C1orf21: variants seen among roughly 807,000 people sequenced by gnomAD.
C1orf21 encodes the protein chromosome 1 open reading frame 21.
A neutral mutation model predicts 18.7 loss-of-function variants in C1orf21; 3 were observed. The observed-to-expected ratio is 0.16, with a 90% CI of 0.07 to 0.42. The LOEUF is 0.42. Among genes scored for constraint, C1orf21 ranks in the 10% least tolerant of loss-of-function variants. The pLI, the probability that C1orf21 is intolerant of heterozygous loss-of-function variation, is 0.99. For missense variants in C1orf21, 104 were observed against 143.6 expected, an observed-to-expected ratio of 0.72 and a Z score of 1.41; for synonymous variants, 41 against 46.4, an observed-to-expected ratio of 0.88 and a Z score of 0.47.
In C1orf21 at chr1:184,495,843, G is replaced by A. The variant is rs149773937; in HGVS notation, c.95-11745G>A. ...CTGAGGCAGAGAATTGCTTGAACCC[G>A]GGAGGCAGAGGTTGCAGTGAGCCAA... On this transcript the variant is annotated intron_variant, in intron 2 of 5. Transcript: ENST00000235307. 3.0e-4 allele frequency among the ~76,000 whole-genome samples: 45 copies of A among 151,068 alleles called. No homozygotes were observed. In the East Asian group the frequency reaches 7.3e-3, roughly 24 times the overall value.
chr1:184,443,258 G>A lies in C1orf21; in HGVS notation c.-124-34128G>A, dbSNP rs1445622141. 2.0e-5 allele frequency among the ~76,000 whole-genome samples: 3 copies of A among 151,942 alleles called. No homozygotes were observed. In the South Asian group the frequency reaches 6.2e-4, roughly 32 times the overall value. On this transcript the variant is annotated intron_variant, in intron 1 of 5. Coordinates refer to ENST00000235307, the MANE Select transcript of C1orf21 (RefSeq NM_030806.4). ...CTCTGTGCCTTGCGTAAAGAGCTCTGGGTGAGATTATTAACATGTAATGTA... is the reference window on the plus strand; with the variant it reads ...CTCTGTGCCTTGCGTAAAGAGCTCTAGGTGAGATTATTAACATGTAATGTA...
chr1:184,428,748 C>T (rs538959388), intron 1 of C1orf21, among the ~76,000 whole-genome samples: 1 of 152,234 alleles, frequency 6.6e-6, no homozygotes, highest in South Asian at 2.1e-4. Context: ...GTCTGTGGCA[C>T]ACTGGCCTGT....
intron 1 of C1orf21, among the ~76,000 whole-genome samples, chr1:184,406,908 C>T (rs1168476830): frequency 6.6e-6 from 1 of 152,134 alleles, no homozygotes; most frequent in African/African-American, 2.4e-5. Flanking sequence ...ATCCTCTTGC[C>T]TCGGCCTACC....
At chr1:184,464,096 G>C (rs762875974) in intron 1 of C1orf21, among the ~76,000 whole-genome samples, 1 of 152,216 alleles carries the variant, frequency 6.6e-6, no homozygotes, top group Non-Finnish European at 1.5e-5. Flanking sequence ...GATGGGATTG[G>C]AAATATGGAT....
chr1:184,404,819 AC>A (rs1488040027), intron 1 of C1orf21, among the ~76,000 whole-genome samples: 7 of 151,984 alleles, frequency 4.6e-5, no homozygotes, highest in South Asian at 2.1e-4. Context: ...GTCACTCTCT[AC>A]CCCCTCGTGA....
At chr1:184,507,774 G>A in intron 3 of C1orf21, 92 bp downstream of exon 3, 2 of 971,560 alleles carry the variant, frequency 2.1e-6, no homozygotes, top group South Asian at 1.9e-5. Context: ...CTTACACACT[G>A]GCACAAGATT....
rs557881096 is a variant in C1orf21 at position 184,608,803 on chromosome 1, G to A, written c.327+10342G>A. ...GGCCTACTTATCTTCCTCTTCTGGG[G>A]TGCATGCAGGTTGGCCACCTTAGCC... On this transcript the variant is annotated intron_variant, in intron 5 of 5. Transcript: ENST00000235307. Among the ~76,000 whole-genome samples, 11 of 152,214 alleles carry A rather than the reference G, an allele frequency of 7.2e-5. No individual in the cohort carries two copies. The South Asian group carries it at 2.3e-3, about 32-fold the overall frequency.
At position 184,477,486 on chromosome 1, in the gene C1orf21, G is replaced by A. The variant is rs761753363; in HGVS notation, c.-24G>A. 29 of 1,603,520 alleles carry A rather than the reference G, an allele frequency of 1.8e-5. 1 individual carries two copies. The highest frequency in any genetic ancestry group is 1.8e-4 in the South Asian group (16 of 90,236). The stretch of plus-strand genomic sequence containing the variant: ...GTAGAGATGATTTGCAGTTCAGCCC[G>A]GCTGAAGCTGACCGAATGAGACTAT... On this transcript the variant is annotated 5_prime_UTR_variant, in exon 2 of 6. Transcript: ENST00000235307.
chr1:184,467,580 T>G (rs1657421373), intron 1 of C1orf21, among the ~76,000 whole-genome samples: 1 of 152,252 alleles, frequency 6.6e-6, no homozygotes, highest in Non-Finnish European at 1.5e-5. Flanking sequence ...TCCTGCTTTC[T>G]GTCTGCATCC....
At chr1:184,457,485 A>G (rs947914310) in intron 1 of C1orf21, among the ~76,000 whole-genome samples, 4 of 152,094 alleles carry the variant, frequency 2.6e-5, no homozygotes, top group Non-Finnish European at 5.9e-5. Context: ...TTTTACATAG[A>G]TTCTATTTCT....
intron 3 of C1orf21, among the ~76,000 whole-genome samples, chr1:184,541,610 A>G (rs1658651972): frequency 6.6e-6 from 1 of 152,218 alleles, no homozygotes; most frequent in East Asian, 1.9e-4. Context: ...TTACGAAGAG[A>G]TCTCATCATG....
chr1:184,534,669 G>A (rs1339563), intron 3 of C1orf21, among the ~76,000 whole-genome samples: 79,592 of 151,790 alleles, frequency 0.52, 21,266 homozygotes, highest in African/African-American at 0.65. Context: ...GCCAAGAACC[G>A]TCCCAGATGT....
At chr1:184,525,748 A>G (rs1658368223) in intron 3 of C1orf21, among the ~76,000 whole-genome samples, 1 of 152,210 alleles carries the variant, frequency 6.6e-6, no homozygotes, top group East Asian at 1.9e-4. Flanking sequence ...TACAAAAAGC[A>G]TTTAAAACAC....
chr1:184,525,231 C>G (rs1374997260), intron 3 of C1orf21, among the ~76,000 whole-genome samples: 1 of 151,698 alleles, frequency 6.6e-6, no homozygotes, highest in Non-Finnish European at 1.5e-5. Context: ...GATGATTATT[C>G]TCATACCATT....
chr1:184,454,653 T>C (rs1315292116), intron 1 of C1orf21, among the ~76,000 whole-genome samples: 1 of 152,096 alleles, frequency 6.6e-6, no homozygotes, highest in Non-Finnish European at 1.5e-5. Flanking sequence ...TTTAAATCTA[T>C]ATGGCACCTC....
rs536647300 is a variant in C1orf21 at position 184,551,902 on chromosome 1, C to T, written c.190-38837C>T. On this transcript the variant is annotated intron_variant, in intron 3 of 5. Transcript: ENST00000235307. ...GCCTGTAGACCTGGCTATGGCTACA[C>T]CACTGTAATTGAGCCTGGGTGACAG... Among the ~76,000 whole-genome samples the T allele has an allele frequency of 5.3e-4, 79 of 148,604 alleles. 1 individual carries two copies. Among genetic ancestry groups the T allele is most frequent in the Middle Eastern group, 3.5e-3 (1 of 288 alleles).
chr1:184,469,414 T>G (rs1370593553), intron 1 of C1orf21, among the ~76,000 whole-genome samples: 3 of 152,192 alleles, frequency 2.0e-5, no homozygotes, highest in Non-Finnish European at 4.4e-5. Flanking sequence ...ACTAAGGGAT[T>G]GAACTGGATT....
Position 184,477,330 on chromosome 1 carries a change from G to A in C1orf21, c.-124-56G>A, listed in dbSNP as rs6698569. 9.4e-4 allele frequency: 546 copies of A among 581,950 alleles called. 1 individual carries two copies. In the African/African-American group the frequency reaches 9.4e-3, roughly 10 times the overall value. The allele number at this position is 581,950 out of a possible 1,614,324, so 36.0% of individuals were successfully genotyped here. On this transcript the variant is annotated intron_variant, in intron 1 of 5. Transcript: ENST00000235307. ...AGGGCACAGCACACCAACATAGTGA[G>A]GCTTGTGTTTTGCTGCAGTCACTGC...
intron 5 of C1orf21, among the ~76,000 whole-genome samples, chr1:184,610,927 G>T (rs538730162): frequency 6.6e-6 from 1 of 151,820 alleles, no homozygotes; most frequent in South Asian, 2.1e-4. Context: ...AACACTTCAT[G>T]GGGGTTTCGA....
Sources: gnomAD v4.1 joint callset for allele counts (sites outside exome capture counted in the v4.1 genomes callset) on GRCh38, gnomAD v4.1.1 for gene constraint, MANE v1.5 for transcripts, NCBI Gene and HGNC (gene_info 2026-07-23, HGNC 2026-07-21) for gene names.